DOK6: variants seen among roughly 807,000 people sequenced by gnomAD.
DOK6 encodes docking protein 6.
A neutral mutation model predicts 44.0 loss-of-function variants in DOK6; 22 were observed. That is an observed-to-expected ratio of 0.50 (90% CI 0.36 to 0.71). The LOEUF (loss-of-function observed/expected upper bound fraction) is 0.71, where lower values mean the gene tolerates loss of function less well. Among genes scored for constraint, DOK6 ranks in the 30% least tolerant of loss-of-function variants. The probability of loss-of-function intolerance (pLI) is 0.00; values close to 1 mark genes in which losing one functional copy is unlikely to be tolerated. For missense variants in DOK6, 340 were observed against 416.4 expected, an observed-to-expected ratio of 0.82 and a Z score of 1.60; for synonymous variants, 166 against 145.5, an observed-to-expected ratio of 1.14 and a Z score of -1.01.
chr18:69,627,225 A>C (rs550500935), intron 3 of DOK6, among the ~76,000 whole-genome samples: 1 of 152,322 alleles, frequency 6.6e-6, no homozygotes, highest in South Asian at 2.1e-4. Context: ...CAAACAAAAA[A>C]GACTCAGAGA....
intron 7 of DOK6, among the ~76,000 whole-genome samples, chr18:69,772,464 C>G (rs1318107781): frequency 3.3e-5 from 5 of 152,004 alleles, no homozygotes; most frequent in Non-Finnish European, 7.4e-5. Context: ...AAGTATATTA[C>G]AAAGCTCCAA....
chr18:69,459,454 AG>A (rs1979729308), intron 1 of DOK6, among the ~76,000 whole-genome samples: 1 of 152,104 alleles, frequency 6.6e-6, no homozygotes, highest in Non-Finnish European at 1.5e-5. Flanking sequence ...ATCTTTATCA[AG>A]TATTTAAAAT....
At chr18:69,665,142 CT>C (rs1985623838) in intron 3 of DOK6, among the ~76,000 whole-genome samples, 1 of 151,980 alleles carries the variant, frequency 6.6e-6, no homozygotes, top group Admixed American at 6.6e-5. Flanking sequence ...GATTGTGCCA[CT>C]GTACTCCAGC....
chr18:69,519,004 C>T (rs1981615505), intron 1 of DOK6, among the ~76,000 whole-genome samples: 1 of 151,994 alleles, frequency 6.6e-6, no homozygotes, highest in African/African-American at 2.4e-5. Context: ...TTCTTACGCT[C>T]TGTGTGTTTC....
intron 1 of DOK6, among the ~76,000 whole-genome samples, chr18:69,466,200 C>A (rs1241413556): frequency 6.6e-6 from 1 of 152,128 alleles, no homozygotes; most frequent in African/African-American, 2.4e-5. Context: ...TGGCAACCAC[C>A]ATCCTACGCT....
At chr18:69,707,080 T>G (rs1325958449) in intron 5 of DOK6, among the ~76,000 whole-genome samples, 3 of 152,130 alleles carry the variant, frequency 2.0e-5, no homozygotes, top group Non-Finnish European at 4.4e-5. Flanking sequence ...GAACTCCCAT[T>G]CACAATTGCT....
At chr18:69,427,051 T>C (rs1368442666) in intron 1 of DOK6, among the ~76,000 whole-genome samples, 1 of 152,122 alleles carries the variant, frequency 6.6e-6, no homozygotes, top group Non-Finnish European at 1.5e-5. Context: ...TGTGTCCATG[T>C]GTTCTCATTA....
chr18:69,497,301 A>C (rs1159875230), intron 1 of DOK6, among the ~76,000 whole-genome samples: 1 of 152,220 alleles, frequency 6.6e-6, no homozygotes, highest in Non-Finnish European at 1.5e-5. Context: ...TATTACTCTA[A>C]TAGAGAAGCT....
At chr18:69,838,914 C>T (rs1262918627) in intron 7 of DOK6, among the ~76,000 whole-genome samples, 1 of 149,406 alleles carries the variant, frequency 6.7e-6, no homozygotes, top group South Asian at 2.1e-4. Flanking sequence ...CCTCCATTAG[C>T]TCCTCTTTCC....
rs114614646 is a variant in DOK6, at chr18:69,801,600, T to A, written c.857-39644T>A. Among the ~76,000 whole-genome samples, 145 of 152,334 alleles carry A rather than the reference T, an allele frequency of 9.5e-4. 2 individuals carry two copies. The highest frequency in any genetic ancestry group is 3.1e-3 in the African/African-American group (128 of 41,586). On this transcript the variant is annotated intron_variant, in intron 7 of 7. Transcript: ENST00000382713. ...TTGTAATGACTCCCTTTGGTCATTGTGTTAAAGTCTAAACTGCTTTCCAGG... is the reference window on the plus strand; with the variant it reads ...TTGTAATGACTCCCTTTGGTCATTGAGTTAAAGTCTAAACTGCTTTCCAGG...
intron 3 of DOK6, among the ~76,000 whole-genome samples, chr18:69,612,397 CTT>C (rs1159006411): frequency 1.7e-4 from 7 of 41,094 alleles, no homozygotes; most frequent in African/African-American, 3.2e-4. Flanking sequence ...CACGAAGAGA[CTT>C]TGTGTGCGAG....
At chr18:69,762,857 G>A (rs1274253742) in intron 7 of DOK6, among the ~76,000 whole-genome samples, 4 of 152,184 alleles carry the variant, frequency 2.6e-5, no homozygotes, top group Admixed American at 2.6e-4. Context: ...GACATAGCAG[G>A]ACAGAGATCC....
chr18:69,674,145 A>G (rs1230001314), intron 3 of DOK6, among the ~76,000 whole-genome samples: 2 of 152,242 alleles, frequency 1.3e-5, no homozygotes, highest in East Asian at 1.9e-4. Flanking sequence ...AAAGACTTCA[A>G]TACATAGAGC....
chr18:69,658,889 A>G (rs1334691724), intron 3 of DOK6, among the ~76,000 whole-genome samples: 4 of 152,228 alleles, frequency 2.6e-5, no homozygotes. Context: ...CCTGCACATA[A>G]TAATTAAACA....
At chr18:69,841,175 TGATA>T (rs1568142612) in intron 7 of DOK6, 65 bp from the exon 8 acceptor site, 6 of 1,580,992 alleles carry the variant, frequency 3.8e-6, no homozygotes, top group African/African-American at 1.3e-5. Flanking sequence ...AATAGATAGA[TGATA>T]GATAGTGTAT....
At chr18:69,779,192 A>C (rs1180917353) in intron 7 of DOK6, among the ~76,000 whole-genome samples, 2 of 152,028 alleles carry the variant, frequency 1.3e-5, no homozygotes, top group Non-Finnish European at 1.5e-5. Context: ...GTTGCCCAGG[A>C]CTTAACTGTC....
intron 7 of DOK6, among the ~76,000 whole-genome samples, chr18:69,834,927 G>T (rs1259566116): frequency 6.6e-6 from 1 of 152,280 alleles, no homozygotes; most frequent in Admixed American, 6.5e-5. Context: ...CAATCATGGC[G>T]AAAGGGGAAG....
At chr18:69,722,080 T>G (rs1466795808) in intron 5 of DOK6, among the ~76,000 whole-genome samples, 1 of 152,224 alleles carries the variant, frequency 6.6e-6, no homozygotes, top group Non-Finnish European at 1.5e-5. Context: ...ATTTCCAACC[T>G]CTTTTCAATG....
intron 1 of DOK6, among the ~76,000 whole-genome samples, chr18:69,405,502 C>T (rs1269012701): frequency 6.6e-6 from 1 of 152,028 alleles, no homozygotes; most frequent in Admixed American, 6.6e-5. Flanking sequence ...ATTGCTTGAA[C>T]TCGGAAGGTG....
Sources: allele counts gnomAD v4.1 joint callset (sites outside exome capture counted in the v4.1 genomes callset), GRCh38; gene constraint gnomAD v4.1.1; transcripts MANE v1.5; gene names NCBI Gene and HGNC (gene_info 2026-07-23, HGNC 2026-07-21).